LAMA1: variants seen among roughly 807,000 people sequenced by gnomAD.
The protein encoded by LAMA1 is laminin subunit alpha-1.
A neutral mutation model predicts 348.7 loss-of-function variants in LAMA1; 219 were observed. That is an observed-to-expected ratio of 0.63 (90% CI 0.56 to 0.70). The LOEUF is 0.70. Among genes scored for constraint, LAMA1 ranks in the 30% least tolerant of loss-of-function variants. LAMA1 has a pLI of 0.00. For synonymous variants in LAMA1, 1,487 were observed against 1,491.0 expected, an observed-to-expected ratio of 1.00 and a Z score of 0.06; for missense variants, 3,744 against 3,888.0, an observed-to-expected ratio of 0.96 and a Z score of 0.99.
At chr18:6,959,870 T>C (rs2057598971) in intron 53 of LAMA1, 2 of 274,416 alleles carry the variant, frequency 7.3e-6, no homozygotes, top group South Asian at 7.9e-5. Flanking sequence ...GTTTTGCCTG[T>C]GATGTTGTTT....
chr18:7,059,719 T>C (rs1254040139), intron 3 of LAMA1, among the ~76,000 whole-genome samples: 2 of 152,120 alleles, frequency 1.3e-5, no homozygotes, highest in African/African-American at 2.4e-5. Context: ...CAGGCATGAC[T>C]CCGGTCTGAA....
intron 3 of LAMA1, among the ~76,000 whole-genome samples, chr18:7,054,215 C>T (rs1039093435): frequency 6.6e-6 from 1 of 152,174 alleles, no homozygotes; most frequent in African/African-American, 2.4e-5. Context: ...CAGAATCTCT[C>T]GTTTTTATCC....
At chr18:7,041,543 T>C (rs2058020742) in intron 9 of LAMA1, among the ~76,000 whole-genome samples, 1 of 152,216 alleles carries the variant, frequency 6.6e-6, no homozygotes, top group African/African-American at 2.4e-5. Flanking sequence ...ACAAGAGTCT[T>C]TGAACAGACG....
intron 28 of LAMA1, 152 bp from the exon 29 acceptor site, chr18:7,007,428 C>A: frequency 1.5e-6 from 1 of 676,242 alleles, no homozygotes. Flanking sequence ...AATGAAAAAA[C>A]ACAAGGTGAT....
intron 1 of LAMA1, among the ~76,000 whole-genome samples, chr18:7,085,633 T>G (rs142528795): frequency 6.6e-5 from 10 of 152,192 alleles, no homozygotes; most frequent in East Asian, 5.8e-4. Flanking sequence ...TTAGCCAGGA[T>G]GGTCTCGATC....
rs1263190980 is a variant in LAMA1 at position 7,010,298 on chromosome 18, GAACTTGAGGCTCA to G, written c.3762_3774del (p.Glu1255SerfsTer23). 1 of 1,614,044 alleles carries G rather than the reference GAACTTGAGGCTCA, an allele frequency of 6.2e-7. No homozygotes were observed. Among genetic ancestry groups the G allele is most frequent in the Non-Finnish European group, 8.5e-7 (1 of 1,180,054 alleles). ...TTTCTGATCCGACCACCTTTGATGA[GAACTTGAGGCTCA>G]AAATTGGAGGTGCCGACGCCATCCA... On this transcript the variant is annotated frameshift_variant, in exon 26 of 63. Transcript: ENST00000389658. LOFTEE classifies it high-confidence loss of function.
chr18:6,957,852 G>T, intron 55 of LAMA1, among the ~76,000 whole-genome samples: 1 of 151,972 alleles, frequency 6.6e-6, no homozygotes, highest in Non-Finnish European at 1.5e-5. Flanking sequence ...TGCAATCTCA[G>T]CTCACTGCAC....
Position 7,089,759 on chromosome 18 carries a change from G to A in LAMA1, c.62-9302C>T, listed in dbSNP as rs149609215. Among the ~76,000 whole-genome samples, 14 of 152,318 alleles carry A rather than the reference G, an allele frequency of 9.2e-5. No homozygotes were observed. The East Asian group carries it at 1.4e-3, about 15-fold the overall frequency. On this transcript the variant is annotated intron_variant, in intron 1 of 62. Transcript: ENST00000389658. Reference sequence around the variant, plus strand: ...GCACGTTTTCAGGGACATGTTCTCCGTGAATGCTGAGGGCTGTGAACACAT... The same window carrying A: ...GCACGTTTTCAGGGACATGTTCTCCATGAATGCTGAGGGCTGTGAACACAT...
chr18:7,084,690 T>A (rs2058207809), intron 1 of LAMA1, among the ~76,000 whole-genome samples: 1 of 152,190 alleles, frequency 6.6e-6, no homozygotes, highest in African/African-American at 2.4e-5. Context: ...ACACTTGGCC[T>A]TTTGAAGTGC....
intron 1 of LAMA1, among the ~76,000 whole-genome samples, chr18:7,098,118 C>A (rs970888201): frequency 4.7e-5 from 7 of 149,496 alleles, no homozygotes; most frequent in African/African-American, 1.0e-4. Flanking sequence ...CCCGAGGTGC[C>A]GGGATTGCAG....
At position 7,115,969 on chromosome 18, in the gene LAMA1, C is replaced by CA. The variant is rs879608315; in HGVS notation, c.61+1690dup. ...ACTCCTGCCTGCAGCCCGGAGACTG[C>CA]AAAAAAAAAAAATCAAAACTGCTCA... On this transcript the variant is annotated intron_variant, in intron 1 of 62. Transcript: ENST00000389658. 8.3e-3 allele frequency among the ~76,000 whole-genome samples: 1,164 copies of CA among 140,500 alleles called. 5 individuals carry two copies. Among genetic ancestry groups the CA allele is most frequent in the Middle Eastern group, 0.015 (4 of 270 alleles). The allele number at this position is 140,500 out of a possible 152,430, so 92.2% of individuals were successfully genotyped here.
chr18:7,048,247 CA>C (rs1383761150), intron 5 of LAMA1, among the ~76,000 whole-genome samples: 1 of 152,004 alleles, frequency 6.6e-6, no homozygotes, highest in Non-Finnish European at 1.5e-5. Context: ...AGCACATTGT[CA>C]ACATTAGTCA....
intron 1 of LAMA1, among the ~76,000 whole-genome samples, chr18:7,099,070 T>G (rs11081302): frequency 0.2 from 30,229 of 151,134 alleles, 3,776 homozygotes; most frequent in South Asian, 0.31. Context: ...ATGGTTGCCG[T>G]GTCTGTGTAG....
At chr18:7,038,638 A>G (rs2058006734) in intron 11 of LAMA1, 172 bp downstream of exon 11, 2 of 827,448 alleles carry the variant, frequency 2.4e-6, no homozygotes, top group African/African-American at 1.7e-5. Flanking sequence ...CACATGACCT[A>G]TAAAGAATCT....
chr18:7,021,962 C>A (rs2144138966), intron 19 of LAMA1, among the ~76,000 whole-genome samples: 1 of 151,212 alleles, frequency 6.6e-6, no homozygotes, highest in South Asian at 2.1e-4. Flanking sequence ...GCACTGACTT[C>A]TCAGAAAGGC....
chr18:7,050,752 T>A lies in LAMA1; in HGVS notation c.530A>T (p.Asp177Val). ...PRRGPPTYRADDEVICTSYYS... is the reference protein window; with the variant it reads ...PRRGPPTYRAVDEVICTSYYS... ...ATAGGAGGTGCAGATCACTTCATCA[T>A]CAGCCCTGTAGGTGGGTGGCCCTCG... Residue 177 changes from aspartate to valine, a missense_variant, in exon 4 of 63, where the codon GAT becomes GTT. Asp to Val is a radical substitution (Grantham distance 152). This residue lies in a region of LAMA1 where 1,529 missense variants were observed against 1,689.4 expected (regional missense o/e 0.91). Transcript: ENST00000389658. The A allele has an allele frequency of 6.2e-7, 1 of 1,614,154 alleles. No individual in the cohort carries two copies. The highest frequency in any genetic ancestry group is 1.3e-5 in the African/African-American group (1 of 75,032).
Position 7,080,337 on chromosome 18 carries a change from A to G in LAMA1, c.182T>C (p.Val61Ala). 1.2e-6 allele frequency: 2 copies of G among 1,614,232 alleles called. No individual in the cohort carries two copies. Among genetic ancestry groups the G allele is most frequent in the South Asian group, 2.2e-5 (2 of 91,086 alleles). ...KLVEHVPGRP[V>A]RNPQCRICDG... ...ACAGATCCGGCACTGTGGGTTTCGG[A>G]CGGGCCGACCTGGCACATGCTCCAC... The change falls in exon 2 of 63, where the codon GTC (valine) becomes GCC (alanine). Residue 61 changes from valine (V) to alanine (A), a missense_variant. This residue lies in a region of LAMA1 where 1,529 missense variants were observed against 1,689.4 expected (regional missense o/e 0.91). Transcript: ENST00000389658.
chr18:6,974,786 G>A (rs753815945), intron 46 of LAMA1, 117 bp downstream of exon 46: 2 of 1,342,344 alleles, frequency 1.5e-6, no homozygotes, highest in Non-Finnish European at 2.1e-6. Context: ...GTATTGTTTG[G>A]TTATAATCTG....
chr18:7,046,745 CAA>C (rs1167304214), intron 5 of LAMA1, among the ~76,000 whole-genome samples: 1 of 152,148 alleles, frequency 6.6e-6, no homozygotes, highest in Non-Finnish European at 1.5e-5. Flanking sequence ...ATCTACCACA[CAA>C]AAATCAAGAA....
Sources: allele counts gnomAD v4.1 joint callset (sites outside exome capture counted in the v4.1 genomes callset), GRCh38; gene constraint gnomAD v4.1.1; regional missense constraint gnomAD v4.1.1; transcripts MANE v1.5; gene names NCBI Gene and HGNC (gene_info 2026-07-23, HGNC 2026-07-21).